Variants in BNC2 observed in about 807,000 individuals in gnomAD.
BNC2 encodes the protein zinc finger protein basonuclin-2.
Under a neutral mutation model 76.3 loss-of-function variants are expected in BNC2, and 20 were observed. That is an observed-to-expected ratio of 0.26 (90% CI 0.18 to 0.38). The LOEUF is 0.38. Ranked by LOEUF, BNC2 falls within the 10% of genes least tolerant of loss-of-function variation. The pLI is 1.00. For synonymous variants in BNC2, 582 were observed against 514.8 expected (o/e 1.13, Z -1.77); for missense variants, 1,382 against 1,399.8 (o/e 0.99, Z 0.20).
intron 1 of BNC2, among the ~76,000 whole-genome samples, chr9:16,754,961 A>G (rs566173722): frequency 3.3e-5 from 5 of 152,268 alleles, no homozygotes; most frequent in African/African-American, 1.2e-4. Flanking sequence ...ATTTCTTCCC[A>G]ACAAGATACT....
chr9:16,543,640 A>C lies in BNC2; in HGVS notation c.669+8890T>G, dbSNP rs185106774. On this transcript the variant is annotated intron_variant, in intron 5 of 6. Coordinates refer to ENST00000380672, the MANE Select transcript of BNC2 (RefSeq NM_017637.6). ...CAAGAGTAAAGGGAGGAATATTTTCATTTTAACTCTGAGCACAAAACATCA... is the reference window on the plus strand; with the variant it reads ...CAAGAGTAAAGGGAGGAATATTTTCCTTTTAACTCTGAGCACAAAACATCA... Among the ~76,000 whole-genome samples the C allele has an allele frequency of 3.3e-5, 5 of 152,278 alleles. No homozygotes were observed. The East Asian group carries it at 9.7e-4, about 29-fold the overall frequency.
chr9:16,539,745 G>GA (rs1818253858), intron 5 of BNC2, among the ~76,000 whole-genome samples: 1 of 80,608 alleles, frequency 1.2e-5, no homozygotes. Flanking sequence ...AAAGGGAAGG[G>GA]AAGGGAAGGA....
At chr9:16,782,157 C>T (rs567416688) in intron 1 of BNC2, among the ~76,000 whole-genome samples, 3 of 151,996 alleles carry the variant, frequency 2.0e-5, no homozygotes, top group African/African-American at 7.2e-5. Flanking sequence ...TGGTGGCGTG[C>T]ACCTGTAGTC....
At chr9:16,557,257 G>A (rs1008793406) in intron 4 of BNC2, among the ~76,000 whole-genome samples, 2 of 152,108 alleles carry the variant, frequency 1.3e-5, no homozygotes, top group East Asian at 3.9e-4. Flanking sequence ...CCAGCACTTT[G>A]GGAGGTTGCA....
At chr9:16,554,691 C>G (rs144158315) in intron 4 of BNC2, among the ~76,000 whole-genome samples, 2 of 152,136 alleles carry the variant, frequency 1.3e-5, no homozygotes, top group Admixed American at 6.5e-5. Context: ...AACTACTCAG[C>G]CTTCTGATGA....
chr9:16,767,549 T>TAC (rs113472282), intron 1 of BNC2, among the ~76,000 whole-genome samples: 109,719 of 151,786 alleles, frequency 0.72, 41,805 homozygotes, highest in Non-Finnish European at 0.85. Context: ...TCAGCCTGTA[T>TAC]ACAGAGTTGA....
At chr9:16,524,011 C>T (rs1473886425) in intron 5 of BNC2, among the ~76,000 whole-genome samples, 1 of 152,002 alleles carries the variant, frequency 6.6e-6, no homozygotes, top group African/African-American at 2.4e-5. Flanking sequence ...TTAGCTTCAC[C>T]CAAAAAAACA....
chr9:16,430,838 T>A (rs1378472532), intron 6 of BNC2, among the ~76,000 whole-genome samples: 1 of 152,234 alleles, frequency 6.6e-6, no homozygotes, highest in East Asian at 1.9e-4. Flanking sequence ...CACATTTAGA[T>A]GTGGACTGAT....
At chr9:16,857,213 C>G (rs1819280384) in intron 1 of BNC2, among the ~76,000 whole-genome samples, 1 of 152,046 alleles carries the variant, frequency 6.6e-6, no homozygotes. Flanking sequence ...CACAGTGGCT[C>G]ACGCATGTAA....
Position 16,436,579 on chromosome 9 carries a change from T to C in BNC2, c.1615A>G (p.Met539Val), listed in dbSNP as rs747837768. Residue 539 changes from methionine (M) to valine (V), a missense_variant, in exon 6 of 7, where the codon ATG becomes GTG. Transcript: ENST00000380672. ...TCTAGAGGGGGAGTGGTAAAACCCA[T>C]TGGGGGTCGGCCAGGGCTTGTGAGT... ...LALTSPGRPP[M>V]GFTTPPLDPV... is the part of the protein sequence containing the mutation. 170 of 1,613,782 alleles carry C rather than the reference T, an allele frequency of 1.1e-4. No individual in the cohort carries two copies. In the East Asian group the frequency reaches 1.4e-3, roughly 13 times the overall value.
chr9:16,469,839 T>C (rs201105781), intron 5 of BNC2, among the ~76,000 whole-genome samples: 1 of 152,010 alleles, frequency 6.6e-6, no homozygotes, highest in South Asian at 2.1e-4. Flanking sequence ...AAAGGTGACT[T>C]TTGTTATGTT....
At chr9:16,866,853 T>C (rs182300004) in intron 1 of BNC2, among the ~76,000 whole-genome samples, 76 of 152,178 alleles carry the variant, frequency 5.0e-4, no homozygotes, top group African/African-American at 1.7e-3. Context: ...TGATACTATA[T>C]AATTCCCATC....
At chr9:16,736,807 G>A (rs971634542) in intron 2 of BNC2, among the ~76,000 whole-genome samples, 11 of 148,776 alleles carry the variant, frequency 7.4e-5, no homozygotes, top group Non-Finnish European at 1.5e-4. Context: ...GATGGATAAT[G>A]GATACACTTT....
chr9:16,624,016 T>C (rs1432324672), intron 3 of BNC2, among the ~76,000 whole-genome samples: 3 of 152,208 alleles, frequency 2.0e-5, no homozygotes, highest in Admixed American at 1.3e-4. Flanking sequence ...GTCAAGAATT[T>C]CTTAAGATAT....
intron 5 of BNC2, among the ~76,000 whole-genome samples, chr9:16,536,278 T>A (rs528439594): frequency 6.6e-6 from 1 of 152,216 alleles, no homozygotes; most frequent in African/African-American, 2.4e-5. Flanking sequence ...TATTTCAGAA[T>A]GGACTTTGTT....
In BNC2 at chr9:16,412,720, G is replaced by GGGGAGAGA. The variant is rs1302842819; in HGVS notation, c.*6268_*6269insTCTCTCCC. On this transcript the variant is annotated 3_prime_UTR_variant, in exon 7 of 7. Coordinates refer to ENST00000380672, the MANE Select transcript of BNC2 (RefSeq NM_017637.6). ...AATAAGAGGGAAGGAGAGAGAGAGG[G>GGGGAGAGA]GAGAGAGAGAGAGAGAGAGAGAGAG... The GGGGAGAGA allele has an allele frequency of 2.5e-5, 3 of 119,954 alleles. No homozygotes were observed. Among genetic ancestry groups the GGGGAGAGA allele is most frequent in the Non-Finnish European group, 5.5e-5 (3 of 54,618 alleles). The allele number at this position is 119,954 out of a possible 1,614,324, so 7.4% of individuals were successfully genotyped here.
intron 1 of BNC2, among the ~76,000 whole-genome samples, chr9:16,864,039 T>G (rs1181944478): frequency 6.6e-6 from 1 of 152,226 alleles, no homozygotes; most frequent in Non-Finnish European, 1.5e-5. Context: ...CTCTAAGATT[T>G]TAAAATAATA....
chr9:16,448,855 G>A (rs955117120), intron 5 of BNC2, among the ~76,000 whole-genome samples: 4 of 152,150 alleles, frequency 2.6e-5, no homozygotes, highest in African/African-American at 4.8e-5. Flanking sequence ...TCCTTTGATT[G>A]CTCAGATTAA....
At chr9:16,641,480 T>C (rs74479339) in intron 3 of BNC2, among the ~76,000 whole-genome samples, 2,215 of 152,292 alleles carry the variant, frequency 0.015, 62 homozygotes, top group African/African-American at 0.051. Flanking sequence ...TACAAATAGG[T>C]TTACTATCCC....
Sources: gnomAD v4.1 joint callset for allele counts (sites outside exome capture counted in the v4.1 genomes callset) on GRCh38, gnomAD v4.1.1 for gene constraint, MANE v1.5 for transcripts, NCBI Gene and HGNC (gene_info 2026-07-23, HGNC 2026-07-21) for gene names.